The following NMBR variants were observed in gnomAD, a reference collection of about 807,000 sequenced individuals.
NMBR encodes the protein neuromedin-B receptor.
A neutral mutation model predicts 20.5 loss-of-function variants in NMBR; 16 were observed. The observed-to-expected ratio is 0.78, with a 90% CI of 0.53 to 1.19. The LOEUF (loss-of-function observed/expected upper bound fraction) is 1.19, where lower values mean the gene tolerates loss of function less well. Ranked by LOEUF, NMBR falls within the 50% of genes most tolerant of loss-of-function variation. The pLI is 0.00. For synonymous variants in NMBR, 212 were observed against 196.6 expected, an observed-to-expected ratio of 1.08 and a Z score of -0.65; for missense variants, 582 against 499.1, an observed-to-expected ratio of 1.17 and a Z score of -1.58.
intron 1 of NMBR, among the ~76,000 whole-genome samples, chr6:142,128,882 T>C (rs190348519): frequency 6.6e-6 from 1 of 151,650 alleles, no homozygotes; most frequent in Admixed American, 6.6e-5. Context: ...TAAATTGAGT[T>C]TGGCAGTGTT....
intron 1 of NMBR, among the ~76,000 whole-genome samples, chr6:142,116,257 C>T (rs1777853190): frequency 6.6e-6 from 1 of 151,852 alleles, no homozygotes; most frequent in South Asian, 2.1e-4. Flanking sequence ...TCTCTTCACC[C>T]TCTTAGTCTC....
intron 1 of NMBR, among the ~76,000 whole-genome samples, chr6:142,096,021 C>G (rs1485067674): frequency 1.3e-5 from 2 of 151,998 alleles, no homozygotes; most frequent in Non-Finnish European, 2.9e-5. Context: ...TTTTTTATTG[C>G]ATCTATTTGA....
intron 1 of NMBR, among the ~76,000 whole-genome samples, chr6:142,127,829 G>A: frequency 6.6e-6 from 1 of 151,890 alleles, no homozygotes; most frequent in South Asian, 2.1e-4. Flanking sequence ...ATTTTTGTGT[G>A]TTGATTTTGT....
In NMBR at chr6:142,124,973, T is replaced by C. The variant is rs372017332; in HGVS notation, c.-664+22071A>G. The stretch of plus-strand genomic sequence containing the variant: ...CATTTGCCCAAAATAACATGATTGG[T>C]TGTTGACCCTTTCTACTAAGCCATC... On this transcript the variant is annotated intron_variant, in intron 1 of 3. Coordinates refer to ENST00000258042, the MANE Select transcript of NMBR (RefSeq NM_002511.4). Among the ~76,000 whole-genome samples the C allele has an allele frequency of 2.1e-4, 32 of 151,976 alleles. No homozygotes were observed. The South Asian group carries it at 6.6e-3, about 32-fold the overall frequency.
intron 1 of NMBR, among the ~76,000 whole-genome samples, chr6:142,105,027 C>T (rs547871026): frequency 6.6e-6 from 1 of 150,840 alleles, no homozygotes; most frequent in East Asian, 2.0e-4. Context: ...TACAAAGCAC[C>T]TTCTTAAGGG....
chr6:142,146,851 C>T (rs763902019), intron 1 of NMBR, among the ~76,000 whole-genome samples, 193 bp downstream of exon 1: 4 of 152,182 alleles, frequency 2.6e-5, no homozygotes, highest in Non-Finnish European at 5.9e-5. Flanking sequence ...AAGGACACTG[C>T]TATATGGAAT....
rs1376449737 is a variant in NMBR, at chr6:142,143,035, T to C, written c.-664+4009A>G. On this transcript the variant is annotated intron_variant, in intron 1 of 3. Transcript: ENST00000258042. Reference sequence around the variant, plus strand: ...AGGAGTTTGAGGCTGCAGTGAGCTATGATTGCACCACTGCCCTCTAGCCTG... The same window carrying C: ...AGGAGTTTGAGGCTGCAGTGAGCTACGATTGCACCACTGCCCTCTAGCCTG... Among the ~76,000 whole-genome samples the C allele has an allele frequency of 2.0e-5, 3 of 152,110 alleles. No individual in the cohort carries two copies. In the East Asian group the frequency reaches 5.8e-4, roughly 29 times the overall value.
chr6:142,123,893 G>T (rs1777988303), intron 1 of NMBR, among the ~76,000 whole-genome samples: 1 of 151,808 alleles, frequency 6.6e-6, no homozygotes, highest in African/African-American at 2.4e-5. Context: ...TACCACATCG[G>T]ATATTTTTTT....
rs750642045 is a variant in NMBR at position 142,078,563 on chromosome 6, T to C, written c.763A>G (p.Lys255Glu). The change falls in exon 3 of 4, where the codon AAA becomes GAA. Residue 255 changes from lysine to glutamate, a missense_variant. Transcript: ENST00000258042. ...ACGCCTACTAAGCTTACCTGTTTTT[T>C]GGTATGTTCATTGTATTCTCCAGGA... The part of the protein sequence containing the change: ...NLPGEYNEHT[K>E]KQMETRKRLA... 40 of 1,579,926 alleles carry C rather than the reference T, an allele frequency of 2.5e-5. No individual in the cohort carries two copies. Among genetic ancestry groups the C allele is most frequent in the Non-Finnish European group, 3.4e-5 (39 of 1,160,240 alleles).
intron 1 of NMBR, among the ~76,000 whole-genome samples, chr6:142,097,017 T>C (rs1334012895): frequency 6.6e-6 from 1 of 152,094 alleles, no homozygotes; most frequent in African/African-American, 2.4e-5. Context: ...TTGTTTTCCA[T>C]TTGCTTGGTA....
chr6:142,139,965 AG>A, intron 1 of NMBR, among the ~76,000 whole-genome samples: 1 of 152,214 alleles, frequency 6.6e-6, no homozygotes, highest in East Asian at 1.9e-4. Flanking sequence ...TGGTGAAATA[AG>A]GTAATTTAAA....
intron 1 of NMBR, among the ~76,000 whole-genome samples, chr6:142,142,251 C>CA (rs1330847420): frequency 3.2e-4 from 49 of 152,220 alleles, no homozygotes; most frequent in African/African-American, 1.1e-3. Context: ...TGGTGAATTC[C>CA]ACTAAATGTT....
In NMBR at chr6:142,122,543, C is replaced by T. The variant is rs544479972; in HGVS notation, c.-664+24501G>A. ...TCTATGTATATCAAACAGCTTTATA[C>T]TGGGAAAAGATGCCATCTAAAACTT... is the stretch of plus-strand genomic sequence containing the variant. On this transcript the variant is annotated intron_variant, in intron 1 of 3. Coordinates refer to ENST00000258042, the MANE Select transcript of NMBR (RefSeq NM_002511.4). Among the ~76,000 whole-genome samples the T allele has an allele frequency of 3.9e-5, 6 of 152,052 alleles. No individual in the cohort carries two copies. The South Asian group carries it at 8.3e-4, about 21-fold the overall frequency.
chr6:142,146,387 A>T (rs962558515), intron 1 of NMBR, among the ~76,000 whole-genome samples: 2 of 152,184 alleles, frequency 1.3e-5, no homozygotes, highest in Admixed American at 1.3e-4. Context: ...AAAATAAAGA[A>T]GGTTATTGGA....
chr6:142,127,843 C>T (rs1052982082), intron 1 of NMBR, among the ~76,000 whole-genome samples: 3 of 151,670 alleles, frequency 2.0e-5, no homozygotes, highest in African/African-American at 7.3e-5. Flanking sequence ...ATTTTGTGTC[C>T]TGCAACTTTA....
intron 2 of NMBR, among the ~76,000 whole-genome samples, chr6:142,081,635 ATGT>A (rs1360313938): frequency 1.3e-5 from 2 of 152,368 alleles, no homozygotes; most frequent in Non-Finnish European, 2.9e-5. Context: ...TCGAAGAAAA[ATGT>A]TGTATACCAA....
At chr6:142,100,426 A>T (rs6930592) in intron 1 of NMBR, among the ~76,000 whole-genome samples, 7 of 152,042 alleles carry the variant, frequency 4.6e-5, no homozygotes, top group African/African-American at 1.7e-4. Context: ...AAACTTAAAT[A>T]TATTTTGCTG....
At chr6:142,117,199 T>A (rs1777870777) in intron 1 of NMBR, among the ~76,000 whole-genome samples, 1 of 151,960 alleles carries the variant, frequency 6.6e-6, no homozygotes. Flanking sequence ...GAGAAATCAC[T>A]TCTTTTGGAA....
intron 1 of NMBR, chr6:142,134,610 T>C (rs1000306806): frequency 1.5e-6 from 1 of 674,596 alleles, no homozygotes; most frequent in Non-Finnish European, 2.7e-6. Flanking sequence ...AAAGCATCAA[T>C]CAAGAATGCA....
Sources: allele counts gnomAD v4.1 joint callset (sites outside exome capture counted in the v4.1 genomes callset), GRCh38; gene constraint gnomAD v4.1.1; transcripts MANE v1.5; gene names NCBI Gene and HGNC (gene_info 2026-07-23, HGNC 2026-07-21).